Variants in PRKG1 observed in about 807,000 individuals in gnomAD.
PRKG1 encodes the protein cGMP-dependent protein kinase 1.
In PRKG1, 35 loss-of-function variants were observed where a neutral mutation model predicts 88.1. The observed-to-expected ratio is 0.40, with a 90% CI of 0.30 to 0.53. The LOEUF is 0.53. Among genes scored for constraint, PRKG1 ranks in the 20% least tolerant of loss-of-function variants. The pLI, the probability that PRKG1 is intolerant of heterozygous loss-of-function variation, is 0.59. For missense variants in PRKG1, 540 were observed against 839.8 expected, an observed-to-expected ratio of 0.64 and a Z score of 4.41; for synonymous variants, 303 against 292.5, an observed-to-expected ratio of 1.04 and a Z score of -0.37.
At chr10:52,223,173 T>G (rs1470128776) in intron 9 of PRKG1, among the ~76,000 whole-genome samples, 1 of 152,176 alleles carries the variant, frequency 6.6e-6, no homozygotes, top group Non-Finnish European at 1.5e-5. Context: ...AATCCAGTTC[T>G]TTGTTCCCAT....
chr10:51,797,345 T>G (rs1024598110), intron 3 of PRKG1, among the ~76,000 whole-genome samples: 2 of 147,058 alleles, frequency 1.4e-5, no homozygotes, highest in African/African-American at 4.9e-5. Flanking sequence ...GATGATAAAT[T>G]TTGTTATATA....
At chr10:51,184,161 A>G (rs1837422358) in intron 2 of PRKG1, among the ~76,000 whole-genome samples, 1 of 152,222 alleles carries the variant, frequency 6.6e-6, no homozygotes, top group African/African-American at 2.4e-5. Context: ...CCAAAGAGCA[A>G]TGGTAACAGT....
At position 51,790,262 on chromosome 10, in the gene PRKG1, C is replaced by T. The variant is rs149889176; in HGVS notation, c.593-14323C>T. On this transcript the variant is annotated intron_variant, in intron 3 of 17. Transcript: ENST00000373980. Reference sequence around the variant, plus strand: ...TAAACTTTTGTTCTTTCTTTTTTGACTCTCTTAGAATTCATTGTCACTACC... The same window carrying T: ...TAAACTTTTGTTCTTTCTTTTTTGATTCTCTTAGAATTCATTGTCACTACC... Among the ~76,000 whole-genome samples the T allele has an allele frequency of 1.1e-3, 168 of 152,218 alleles. 4 individuals are homozygous for T. The South Asian group carries it at 0.019, about 17-fold the overall frequency.
chr10:51,698,155 G>C, intron 3 of PRKG1: 1 of 1,614,038 alleles, frequency 6.2e-7, no homozygotes, highest in Non-Finnish European at 8.5e-7. Flanking sequence ...CTCTTGAACT[G>C]GGGACAGGGC....
At chr10:51,476,599 TA>T (rs1840203033) in intron 3 of PRKG1, among the ~76,000 whole-genome samples, 2 of 124,758 alleles carry the variant, frequency 1.6e-5, no homozygotes, top group Non-Finnish European at 3.6e-5. Context: ...CTAAGTGGAT[TA>T]TTTGTTGTTG....
intron 5 of PRKG1, among the ~76,000 whole-genome samples, chr10:51,976,398 A>C (rs983200732): frequency 6.6e-6 from 1 of 152,020 alleles, no homozygotes; most frequent in Non-Finnish European, 1.5e-5. Flanking sequence ...ATATATCTAC[A>C]CAATGGAATA....
intron 3 of PRKG1, among the ~76,000 whole-genome samples, chr10:51,762,065 A>G (rs575050138): frequency 6.6e-6 from 1 of 152,342 alleles, no homozygotes; most frequent in South Asian, 2.1e-4. Flanking sequence ...CATGGTAAAT[A>G]AGCAAGAGAA....
intron 2 of PRKG1, among the ~76,000 whole-genome samples, chr10:51,454,806 A>G (rs1392167967): frequency 6.6e-6 from 1 of 152,150 alleles, no homozygotes; most frequent in African/African-American, 2.4e-5. Flanking sequence ...TCCCTCACAT[A>G]ACATGTGGGA....
intron 2 of PRKG1, among the ~76,000 whole-genome samples, chr10:51,338,550 C>G (rs1408602672): frequency 6.6e-6 from 1 of 152,052 alleles, no homozygotes; most frequent in Non-Finnish European, 1.5e-5. Flanking sequence ...ATACATGGAC[C>G]AGGGGCCATG....
intron 7 of PRKG1, among the ~76,000 whole-genome samples, chr10:52,065,710 G>T (rs1846340232): frequency 6.6e-6 from 1 of 152,076 alleles, no homozygotes; most frequent in South Asian, 2.1e-4. Context: ...GGAAAAAATA[G>T]TATTTTTGGT....
chr10:51,475,953 C>T (rs972590599), intron 3 of PRKG1, among the ~76,000 whole-genome samples: 3 of 151,968 alleles, frequency 2.0e-5, no homozygotes, highest in Non-Finnish European at 4.4e-5. Flanking sequence ...TTTAAGAAAA[C>T]AACTGAGTTG....
intron 12 of PRKG1, among the ~76,000 whole-genome samples, chr10:52,278,496 A>G (rs1170389467): frequency 6.6e-6 from 1 of 152,210 alleles, no homozygotes; most frequent in African/African-American, 2.4e-5. Flanking sequence ...TTCTACTTAA[A>G]GACACATGCA....
intron 3 of PRKG1, among the ~76,000 whole-genome samples, chr10:51,781,259 C>T (rs1249672125): frequency 6.6e-6 from 1 of 152,106 alleles, no homozygotes; most frequent in Non-Finnish European, 1.5e-5. Context: ...TCATTTCAAT[C>T]ATCAAATGTC....
chr10:51,732,337 GTGT>G (rs1837135188), intron 3 of PRKG1, among the ~76,000 whole-genome samples: 1 of 152,162 alleles, frequency 6.6e-6, no homozygotes, highest in Non-Finnish European at 1.5e-5. Flanking sequence ...TACAGTCACA[GTGT>G]GAGGTATGGG....
At chr10:51,089,356 A>G (rs1589144325) in intron 1 of PRKG1, among the ~76,000 whole-genome samples, 2 of 152,336 alleles carry the variant, frequency 1.3e-5, no homozygotes, top group South Asian at 2.1e-4. Flanking sequence ...ACACAGCCAG[A>G]ACACGTACTA....
chr10:52,002,068 T>C (rs934538784), intron 5 of PRKG1, among the ~76,000 whole-genome samples: 4 of 152,110 alleles, frequency 2.6e-5, no homozygotes, highest in African/African-American at 9.7e-5. Context: ...TCCCATCTCT[T>C]CACAAGTATT....
intron 3 of PRKG1, among the ~76,000 whole-genome samples, chr10:51,479,087 A>G (rs1173777412): frequency 5.3e-5 from 8 of 152,052 alleles, no homozygotes; most frequent in Admixed American, 5.3e-4. Flanking sequence ...TTATTTACTC[A>G]TTATCTGAAT....
At chr10:51,370,896 GTAGT>G (rs961645232) in intron 2 of PRKG1, among the ~76,000 whole-genome samples, 3 of 151,996 alleles carry the variant, frequency 2.0e-5, no homozygotes, top group African/African-American at 7.2e-5. Context: ...AATGGACAGT[GTAGT>G]TATAGAGTAA....
chr10:51,735,242 G>A (rs566372924), intron 3 of PRKG1, among the ~76,000 whole-genome samples: 1 of 152,248 alleles, frequency 6.6e-6, no homozygotes. Context: ...GGGTCAATGT[G>A]GAGAAGTGAA....
Sources: gnomAD v4.1 joint callset for allele counts (sites outside exome capture counted in the v4.1 genomes callset) on GRCh38, gnomAD v4.1.1 for gene constraint, MANE v1.5 for transcripts, NCBI Gene and HGNC (gene_info 2026-07-23, HGNC 2026-07-21) for gene names.